Variants in TBL1X observed in about 807,000 individuals in gnomAD.
TBL1X encodes F-box-like/WD repeat-containing protein TBL1X.
A neutral mutation model predicts 50.7 loss-of-function variants in TBL1X; 10 were observed. That is an observed-to-expected ratio of 0.20 (90% CI 0.12 to 0.33). The LOEUF (loss-of-function observed/expected upper bound fraction) is 0.33, where lower values mean the gene tolerates loss of function less well. Among genes scored for constraint, TBL1X ranks in the 10% least tolerant of loss-of-function variants. The pLI, the probability that TBL1X is intolerant of heterozygous loss-of-function variation, is 1.00. For missense variants in TBL1X, 340 were observed against 504.4 expected (o/e 0.67, Z 3.12); for synonymous variants, 190 against 214.7 (o/e 0.88, Z 1.01).
At chrX:9,528,484 T>C (rs1301161685) in intron 2 of TBL1X, among the ~76,000 whole-genome samples, 1 of 109,814 alleles carries the variant, frequency 9.1e-6, no homozygotes, top group East Asian at 2.9e-4. Flanking sequence ...GTCTCTGAAA[T>C]AGAAACGACT....
chrX:9,591,035 C>G (rs1410476806), intron 2 of TBL1X, among the ~76,000 whole-genome samples: 2 of 109,997 alleles, frequency 1.8e-5, no homozygotes, highest in African/African-American at 6.6e-5. Context: ...AGTAATCTAC[C>G]AGGGACGACC....
chrX:9,466,092 G>A (rs2081771973), intron 1 of TBL1X, among the ~76,000 whole-genome samples: 1 of 112,398 alleles, frequency 8.9e-6, no homozygotes, highest in African/African-American at 3.2e-5. Context: ...CGGCTGGGCT[G>A]GGGGCACCCT....
intron 2 of TBL1X, among the ~76,000 whole-genome samples, chrX:9,545,203 C>T (rs1227523446): frequency 3.7e-5 from 4 of 109,358 alleles, no homozygotes; most frequent in African/African-American, 6.6e-5. Context: ...GATGGGGTTT[C>T]GCCATGCTGG....
chrX:9,528,775 T>C (rs1260557978), intron 2 of TBL1X, among the ~76,000 whole-genome samples: 1 of 109,630 alleles, frequency 9.1e-6, no homozygotes, highest in Non-Finnish European at 1.9e-5. Context: ...ACAGAGTCTT[T>C]AGCTGAACCC....
At chrX:9,544,435 C>T (rs1005163361) in intron 2 of TBL1X, among the ~76,000 whole-genome samples, 4 of 110,744 alleles carry the variant, frequency 3.6e-5, no homozygotes, top group Non-Finnish European at 7.6e-5. Flanking sequence ...GAGAGACATG[C>T]AAAAGTGCTG....
intron 2 of TBL1X, among the ~76,000 whole-genome samples, chrX:9,611,852 C>A (rs1423394324): frequency 1.8e-5 from 2 of 111,966 alleles, no homozygotes; most frequent in African/African-American, 6.5e-5. Flanking sequence ...TGTGAGGGAA[C>A]CTCAGCCAGG....
chrX:9,647,703 A>G (rs899955554), intron 3 of TBL1X, among the ~76,000 whole-genome samples: 17 of 112,132 alleles, frequency 1.5e-4, no homozygotes, highest in Admixed American at 5.7e-4. Context: ...CCAGCTGTAC[A>G]TACTAGAAAA....
chrX:9,510,055 A>G (rs928576186), intron 2 of TBL1X, among the ~76,000 whole-genome samples: 13 of 111,549 alleles, frequency 1.2e-4, no homozygotes, highest in Non-Finnish European at 2.4e-4. Flanking sequence ...TAATTGCGGT[A>G]TAATCACCAC....
intron 5 of TBL1X, among the ~76,000 whole-genome samples, chrX:9,654,760 G>T (rs2082856271): frequency 9.0e-6 from 1 of 111,135 alleles, no homozygotes; most frequent in African/African-American, 3.3e-5. Flanking sequence ...AATCGTCGTA[G>T]CATCTTCCAA....
chrX:9,555,384 T>G (rs956056564), intron 2 of TBL1X, among the ~76,000 whole-genome samples: 1 of 111,985 alleles, frequency 8.9e-6, no homozygotes, highest in East Asian at 2.8e-4. Flanking sequence ...TGGCCTGTTT[T>G]TTATTGTTAG....
Position 9,684,104 on chromosome X carries a change from T to C in TBL1X, c.273T>C (p.Asn91=), listed in dbSNP as rs1465056011. 1 of 1,209,644 alleles carries C rather than the reference T, an allele frequency of 8.3e-7. No individual in the cohort carries two copies. The highest frequency in any genetic ancestry group is 1.1e-6 in the Non-Finnish European group (1 of 895,215). ...GCCACATCAGCCAGTCCAACATCAA[T>C]GGGACGCTAGTGCCACCGGCCGCCC... ...IESHISQSNI[N]GTLVPPAALI... The change falls in exon 6 of 18, where the codon AAT becomes AAC. Residue 91 remains asparagine, a synonymous_variant. Coordinates refer to ENST00000645353, the MANE Select transcript of TBL1X (RefSeq NM_005647.4).
At chrX:9,617,437 G>A (rs1051770605) in intron 2 of TBL1X, among the ~76,000 whole-genome samples, 1 of 112,078 alleles carries the variant, frequency 8.9e-6, no homozygotes, top group Non-Finnish European at 1.9e-5. Context: ...TGGAGAAGGT[G>A]CTCTCATATA....
intron 5 of TBL1X, among the ~76,000 whole-genome samples, chrX:9,680,735 C>A (rs2083020501): frequency 8.9e-6 from 1 of 111,882 alleles, no homozygotes; most frequent in African/African-American, 3.2e-5. Flanking sequence ...CTTCTGTTAA[C>A]CATGGCATGG....
intron 5 of TBL1X, among the ~76,000 whole-genome samples, chrX:9,658,019 C>T (rs961904052): frequency 5.4e-5 from 6 of 111,237 alleles, no homozygotes; most frequent in Non-Finnish European, 7.5e-5. Context: ...GTGCTGTTCT[C>T]GTGAAAAGTG....
intron 2 of TBL1X, chrX:9,638,045 A>G (rs1044584829): frequency 9.0e-6 from 1 of 111,558 alleles, no homozygotes; most frequent in African/African-American, 3.3e-5. Context: ...GAAGAGATGT[A>G]TGTAGCACTG....
chrX:9,502,228 G>C (rs1468624682), intron 2 of TBL1X, among the ~76,000 whole-genome samples: 1 of 112,847 alleles, frequency 8.9e-6, no homozygotes, highest in Non-Finnish European at 1.9e-5. Flanking sequence ...AACTTCACCT[G>C]TTTTCTTTTG....
chrX:9,581,326 T>G (rs1463423650), intron 2 of TBL1X, among the ~76,000 whole-genome samples: 1 of 111,961 alleles, frequency 8.9e-6, no homozygotes, highest in Non-Finnish European at 1.9e-5. Context: ...TGTGGATGGT[T>G]TGTTTTACCA....
At chrX:9,616,346 T>C (rs1273254518) in intron 2 of TBL1X, among the ~76,000 whole-genome samples, 1 of 112,286 alleles carries the variant, frequency 8.9e-6, no homozygotes, top group Non-Finnish European at 1.9e-5. Context: ...TAGAGAAATA[T>C]GTAAAGCCAC....
In TBL1X at chrX:9,689,911, C is replaced by T. The variant is rs531700047; in HGVS notation, c.616+1636C>T. Among the ~76,000 whole-genome samples, 17 of 112,620 alleles carry T rather than the reference C, an allele frequency of 1.5e-4. No individual in the cohort carries two copies. The South Asian group carries it at 5.5e-3, about 36-fold the overall frequency. On this transcript the variant is annotated intron_variant, in intron 7 of 17. Transcript: ENST00000645353. ...TTTGAATCTTTTGTATCAGGCTTCT[C>T]GAGCTAAGCAGGACCACCAGGCGTT...
Sources: allele counts gnomAD v4.1 joint callset (sites outside exome capture counted in the v4.1 genomes callset), GRCh38; gene constraint gnomAD v4.1.1; transcripts MANE v1.5; gene names NCBI Gene and HGNC (gene_info 2026-07-23, HGNC 2026-07-21).